Variants in PNPT1 observed in about 807,000 individuals in gnomAD.
PNPT1 encodes polyribonucleotide nucleotidyltransferase 1, also known as polyribonucleotide nucleotidyltransferase 1, mitochondrial.
Under a neutral mutation model 119.5 loss-of-function variants are expected in PNPT1, and 53 were observed. The observed-to-expected ratio is 0.44, with a 90% confidence interval of 0.36 to 0.56. The LOEUF is 0.56. Among genes scored for constraint, PNPT1 ranks in the 20% least tolerant of loss-of-function variants. The probability of loss-of-function intolerance (pLI) is 0.00; values close to 1 mark genes in which losing one functional copy is unlikely to be tolerated. For synonymous variants in PNPT1, 357 were observed against 322.1 expected (o/e 1.11, Z -1.16); for missense variants, 948 against 938.5 (o/e 1.01, Z -0.13).
At chr2:55,662,968 T>A (rs1696624912) in intron 13 of PNPT1, among the ~76,000 whole-genome samples, 1 of 150,908 alleles carries the variant, frequency 6.6e-6, no homozygotes, top group African/African-American at 2.4e-5. Flanking sequence ...GCAACCTCCA[T>A]CTCCTGGGTT....
At chr2:55,681,868 G>A (rs1247734160) in intron 5 of PNPT1, among the ~76,000 whole-genome samples, 4 of 143,268 alleles carry the variant, frequency 2.8e-5, no homozygotes, top group African/African-American at 5.2e-5. Context: ...AAGGCTGGGC[G>A]CGGTGGCTCA....
intron 22 of PNPT1, 63 bp from the exon 23 acceptor site, chr2:55,644,783 C>T: frequency 8.4e-7 from 1 of 1,188,186 alleles, no homozygotes; most frequent in South Asian, 1.7e-5. Context: ...TAAAACATGC[C>T]ATGGTCACTT....
intron 8 of PNPT1, among the ~76,000 whole-genome samples, 172 bp from the exon 9 acceptor site, chr2:55,673,251 G>A (rs887407357): frequency 8.6e-5 from 13 of 151,416 alleles, no homozygotes; most frequent in African/African-American, 2.4e-4. Context: ...TGTAAGCAGC[G>A]GTAAATGAAT....
intron 16 of PNPT1, 37 bp from the exon 17 acceptor site, chr2:55,656,257 TTAAGTCTCTG>T (rs768846385): frequency 8.1e-6 from 13 of 1,611,766 alleles, no homozygotes; most frequent in Non-Finnish European, 8.5e-7. Context: ...AAAAAATGTA[TTAAGTCTCTG>T]TAAGAATACC....
chr2:55,646,368 A>G (rs1421942237), intron 20 of PNPT1, 46 bp from the exon 21 acceptor site: 1 of 1,603,132 alleles, frequency 6.2e-7, no homozygotes, highest in Non-Finnish European at 8.5e-7. Context: ...GACTCATGGC[A>G]TTATTTAAAT....
chr2:55,662,690 A>G (rs1184697242), intron 13 of PNPT1, among the ~76,000 whole-genome samples: 5 of 152,140 alleles, frequency 3.3e-5, no homozygotes, highest in Admixed American at 3.3e-4. Context: ...AGAAGAAAAG[A>G]AAAATAAATT....
chr2:55,666,933 T>C, intron 13 of PNPT1, 58 bp downstream of exon 13: 2 of 1,120,098 alleles, frequency 1.8e-6, no homozygotes, highest in Non-Finnish European at 2.5e-6. Flanking sequence ...GTACTTCTAT[T>C]AGATCTAATT....
intron 13 of PNPT1, among the ~76,000 whole-genome samples, chr2:55,663,180 G>C (rs544112797): frequency 6.6e-6 from 1 of 152,028 alleles, no homozygotes; most frequent in Admixed American, 6.6e-5. Flanking sequence ...CACCACGCCC[G>C]GCGACAAAAG....
At chr2:55,673,959 G>A (rs1166327997) in intron 8 of PNPT1, among the ~76,000 whole-genome samples, 1 of 151,854 alleles carries the variant, frequency 6.6e-6, no homozygotes, top group African/African-American at 2.4e-5. Context: ...CTGACCTCAG[G>A]TGATTAACCC....
intron 7 of PNPT1, 118 bp downstream of exon 7, chr2:55,680,594 G>C (rs1697218190): frequency 1.1e-6 from 1 of 935,258 alleles, no homozygotes. Context: ...ACGTCATCTA[G>C]TTCAATTCAT....
intron 1 of PNPT1, among the ~76,000 whole-genome samples, chr2:55,689,152 T>C (rs1369729363): frequency 6.6e-6 from 1 of 152,134 alleles, no homozygotes; most frequent in Non-Finnish European, 1.5e-5. Flanking sequence ...AGAAACACCA[T>C]AGATTAAGAG....
In PNPT1 at chr2:55,654,968, A is replaced by T; in HGVS notation, c.1442-15T>A. ...AGAAGATGACCCTATAGAAAGAAAA[A>T]TAACTGCTTTATATTAAACTGATTT... On this transcript the variant is annotated splice_polypyrimidine_tract_variant and intron_variant, in intron 17 of 27. Coordinates refer to ENST00000447944, the MANE Select transcript of PNPT1 (RefSeq NM_033109.5). 3 of 1,608,906 alleles carry T rather than the reference A, an allele frequency of 1.9e-6. No individual in the cohort carries two copies. Among genetic ancestry groups the T allele is most frequent in the Non-Finnish European group, 2.5e-6 (3 of 1,176,550 alleles).
chr2:55,679,560 T>A, intron 8 of PNPT1, 122 bp downstream of exon 8: 2 of 659,484 alleles, frequency 3.0e-6, no homozygotes, highest in Non-Finnish European at 5.2e-6. Context: ...AGGACAGAGA[T>A]AAAACATGAC....
At chr2:55,677,953 G>T (rs977184137) in intron 8 of PNPT1, among the ~76,000 whole-genome samples, 2 of 152,110 alleles carry the variant, frequency 1.3e-5, no homozygotes, top group African/African-American at 4.8e-5. Flanking sequence ...GTGTTAGCCA[G>T]GATGGTCTCG....
rs187922600 is a variant in PNPT1, at chr2:55,672,009, A to T, written c.904T>A (p.Tyr302Asn). The change falls in exon 10 of 28, where the codon TAC becomes AAC. Residue 302 changes from tyrosine (Y) to asparagine (N), a missense_variant. Tyr to Asn is a moderately radical substitution (Grantham distance 143). Coordinates refer to ENST00000447944, the MANE Select transcript of PNPT1 (RefSeq NM_033109.5). Reference protein sequence around the residue: ...MERLYAVFTDYEHDKVSRDEA... With the variant: ...MERLYAVFTDNEHDKVSRDEA... ...GGTATACCTACTTTGTCATGCTCGTAATCTGTAAAAACTGCATAGAGTCTC... is the reference window on the plus strand; with the variant it reads ...GGTATACCTACTTTGTCATGCTCGTTATCTGTAAAAACTGCATAGAGTCTC... The T allele has an allele frequency of 3.8e-5, 61 of 1,602,328 alleles. 1 individual carries two copies. The Admixed American group carries it at 9.3e-4, about 24-fold the overall frequency.
At chr2:55,644,146 C>T (rs2104028656) in intron 23 of PNPT1, among the ~76,000 whole-genome samples, 1 of 152,246 alleles carries the variant, frequency 6.6e-6, no homozygotes, top group African/African-American at 2.4e-5. Flanking sequence ...ACATCAGTTT[C>T]TCAGTGTTAG....
chr2:55,678,717 T>C (rs367787149), intron 8 of PNPT1, among the ~76,000 whole-genome samples: 1 of 152,222 alleles, frequency 6.6e-6, no homozygotes, highest in East Asian at 1.9e-4. Context: ...TGAATTTCTT[T>C]TACCTGAGAG....
At chr2:55,667,436 T>C (rs1386797519) in intron 12 of PNPT1, among the ~76,000 whole-genome samples, 1 of 151,686 alleles carries the variant, frequency 6.6e-6, no homozygotes, top group Non-Finnish European at 1.5e-5. Flanking sequence ...CTACTAAAAA[T>C]ACAAAAAATT....
chr2:55,652,682 CAAGATATCATA>C lies in PNPT1; in HGVS notation c.1495+2207_1495+2217del, dbSNP rs557425111. ...AGTCTAAATTTCTGCATCATTTACACAAGATATCATAAAGATATCATAAACCGTAAAGCTGA... is the reference window on the plus strand; with the variant it reads ...AGTCTAAATTTCTGCATCATTTACACAAGATATCATAAACCGTAAAGCTGA... On this transcript the variant is annotated intron_variant, in intron 18 of 27. Coordinates refer to ENST00000447944, the MANE Select transcript of PNPT1 (RefSeq NM_033109.5). 4.2e-4 allele frequency among the ~76,000 whole-genome samples: 64 copies of C among 152,238 alleles called. 2 individuals are homozygous for C. The South Asian group carries it at 0.013, about 31-fold the overall frequency.
Sources: gnomAD v4.1 joint callset for allele counts (sites outside exome capture counted in the v4.1 genomes callset) on GRCh38, gnomAD v4.1.1 for gene constraint, MANE v1.5 for transcripts, NCBI Gene and HGNC (gene_info 2026-07-23, HGNC 2026-07-21) for gene names.